Variants in ATP13A5 observed in about 807,000 individuals in gnomAD.
ATP13A5 encodes probable cation-transporting ATPase 13A5.
ATP13A5 carries 149 observed loss-of-function variants against 150.2 expected under a neutral mutation model. That is an observed-to-expected ratio of 0.99 (90% CI 0.87 to 1.14). ATP13A5 has a LOEUF of 1.14. Ranked by LOEUF, ATP13A5 falls within the 50% of genes most tolerant of loss-of-function variation. The pLI, the probability that ATP13A5 is intolerant of heterozygous loss-of-function variation, is 0.00. For synonymous variants in ATP13A5, 497 were observed against 522.2 expected (o/e 0.95, Z 0.66); for missense variants, 1,383 against 1,449.3 (o/e 0.95, Z 0.74).
In ATP13A5 at chr3:193,279,505, A is replaced by G. The variant is rs370934692; in HGVS notation, c.3227-51T>C. 3.0e-4 allele frequency: 439 copies of G among 1,480,228 alleles called. 2 individuals carry two copies. Among genetic ancestry groups the G allele is most frequent in the Middle Eastern group, 1.2e-3 (7 of 5,656 alleles). 91.7% of individuals were successfully genotyped at this position (1,480,228 alleles called of 1,614,324 possible). On this transcript the variant is annotated intron_variant, in intron 27 of 29. Transcript: ENST00000342358. ...TAGATGTTAAAAGAATGTTTCATAT[A>G]ATTTGGCACACATTGCAGAATCAAT...
chr3:193,358,132 T>C (rs1339262006), intron 5 of ATP13A5, among the ~76,000 whole-genome samples: 1 of 152,198 alleles, frequency 6.6e-6, no homozygotes, highest in Non-Finnish European at 1.5e-5. Flanking sequence ...TTTTGCTCAC[T>C]GCTTCCATTC....
chr3:193,324,227 C>G (rs1354338424), intron 14 of ATP13A5, among the ~76,000 whole-genome samples: 2 of 152,154 alleles, frequency 1.3e-5, no homozygotes, highest in African/African-American at 4.8e-5. Context: ...TCACACTCAG[C>G]TCAGGAGATT....
intron 5 of ATP13A5, among the ~76,000 whole-genome samples, chr3:193,354,424 G>A (rs1490392083): frequency 6.6e-6 from 1 of 152,028 alleles, no homozygotes; most frequent in Non-Finnish European, 1.5e-5. Context: ...TATCTTAAAT[G>A]TAGTACAACT....
intron 19 of ATP13A5, chr3:193,312,843 C>G (rs1718906088): frequency 6.6e-6 from 1 of 152,046 alleles, no homozygotes. Context: ...GCAAAATAAC[C>G]AACAAAAGAC....
intron 9 of ATP13A5, among the ~76,000 whole-genome samples, chr3:193,338,379 T>C (rs1711977283): frequency 6.6e-6 from 1 of 152,190 alleles, no homozygotes; most frequent in Non-Finnish European, 1.5e-5. Flanking sequence ...TTGTCATAGA[T>C]AGCTCTTATT....
In ATP13A5 at chr3:193,327,035, C is replaced by G; in HGVS notation, c.1484G>C (p.Gly495Ala). ...FDKTGTLTED[G>A]LDLWGTVPTA... ...AGGGACAGTCCCCCAGAGGTCCAGC[C>G]CATCTTCAGTGAGAGTGCCAGTCTG... Residue 495 changes from glycine (G) to alanine (A), a missense_variant, in exon 13 of 30, where the codon GGG (glycine) becomes GCG (alanine). By Grantham distance (60) the Gly-to-Ala change is moderately conservative. This residue lies in a region of ATP13A5 where 787 missense variants were observed against 771.9 expected (regional missense o/e 1.02). Coordinates refer to ENST00000342358, the MANE Select transcript of ATP13A5 (RefSeq NM_198505.4). 6.2e-7 allele frequency: 1 copy of G among 1,610,646 alleles called. No homozygotes were observed. Among genetic ancestry groups the G allele is most frequent in the Non-Finnish European group, 8.5e-7 (1 of 1,179,274 alleles).
chr3:193,285,414 CTG>C (rs1045070666), intron 26 of ATP13A5, among the ~76,000 whole-genome samples: 2 of 152,048 alleles, frequency 1.3e-5, no homozygotes, highest in African/African-American at 2.4e-5. Flanking sequence ...GTCAATTAAA[CTG>C]TGTGTGTGTG....
At chr3:193,354,258 C>G in intron 5 of ATP13A5, 62 bp from the exon 6 acceptor site, 9 of 1,406,764 alleles carry the variant, frequency 6.4e-6, no homozygotes, top group Non-Finnish European at 8.8e-6. Flanking sequence ...TGACTACAGG[C>G]CAAACTAAAC....
At chr3:193,328,893 T>C (rs963894836) in intron 12 of ATP13A5, among the ~76,000 whole-genome samples, 2 of 152,220 alleles carry the variant, frequency 1.3e-5, no homozygotes, top group Admixed American at 6.5e-5. Context: ...AATTTTATAA[T>C]GTGAAAGCTG....
At chr3:193,310,428 T>C (rs1718796965) in intron 21 of ATP13A5, among the ~76,000 whole-genome samples, 1 of 152,244 alleles carries the variant, frequency 6.6e-6, no homozygotes, top group African/African-American at 2.4e-5. Context: ...GTTTTAGCTC[T>C]TTGAGGAATT....
At chr3:193,313,272 G>T (rs1410184750) in intron 19 of ATP13A5, 3 of 152,160 alleles carry the variant, frequency 2.0e-5, no homozygotes, top group Non-Finnish European at 4.4e-5. Flanking sequence ...TGCAGTTTGT[G>T]TGCTGCAGAA....
At position 193,363,154 on chromosome 3, in the gene ATP13A5, A is replaced by G. The variant is rs896248384; in HGVS notation, c.384+82T>C. ...GTCATTCCCATTCCAAAAGTGTGAT[A>G]TTCGGAACTTTCATTTAATAAACAG... On this transcript the variant is annotated intron_variant, in intron 3 of 29. Transcript: ENST00000342358. 8.2e-6 allele frequency: 12 copies of G among 1,458,770 alleles called. No individual in the cohort carries two copies. In the African/African-American group the frequency reaches 1.7e-4, roughly 21 times the overall value. The allele number at this position is 1,458,770 out of a possible 1,614,324, so 90.4% of individuals were successfully genotyped here. A position where few individuals can be genotyped will look rare whatever the true frequency, so the allele number is the denominator to read the frequency against.
chr3:193,378,576 C>T, intron 1 of ATP13A5, 87 bp downstream of exon 1: 1 of 1,200,590 alleles, frequency 8.3e-7, no homozygotes, highest in Admixed American at 1.8e-5. Context: ...AGCATAAATG[C>T]TACACTCTAT....
intron 22 of ATP13A5, among the ~76,000 whole-genome samples, chr3:193,306,361 T>C (rs1438426207): frequency 6.6e-6 from 1 of 152,084 alleles, no homozygotes; most frequent in Admixed American, 6.6e-5. Context: ...TGTCCCTTTT[T>C]GCATTTGATT....
At chr3:193,287,772 AC>A (rs1717779535) in intron 26 of ATP13A5, among the ~76,000 whole-genome samples, 1 of 152,188 alleles carries the variant, frequency 6.6e-6, no homozygotes, top group Non-Finnish European at 1.5e-5. Context: ...TTTAAGAAAT[AC>A]ACTTTTTAAG....
chr3:193,285,585 A>T (rs1717688301), intron 26 of ATP13A5, among the ~76,000 whole-genome samples: 1 of 152,150 alleles, frequency 6.6e-6, no homozygotes, highest in Admixed American at 6.6e-5. Flanking sequence ...TTTTGCTGAT[A>T]AATTAAGCTC....
chr3:193,371,116 C>T (rs1039116222), intron 1 of ATP13A5, among the ~76,000 whole-genome samples: 1 of 152,090 alleles, frequency 6.6e-6, no homozygotes, highest in South Asian at 2.1e-4. Flanking sequence ...GATGCCTGGC[C>T]CAAGTAGCAA....
intron 11 of ATP13A5, 122 bp downstream of exon 11, chr3:193,333,628 C>G (rs1711727361): frequency 6.8e-6 from 7 of 1,036,988 alleles, no homozygotes; most frequent in Non-Finnish European, 9.9e-6. Context: ...CTAAGAAGCT[C>G]TTTTGGACAG....
At chr3:193,372,689 A>G (rs1560155233) in intron 1 of ATP13A5, among the ~76,000 whole-genome samples, 1 of 152,232 alleles carries the variant, frequency 6.6e-6, no homozygotes, top group Non-Finnish European at 1.5e-5. Flanking sequence ...CAGCACATCA[A>G]ATAAAGCACT....
Sources: allele counts gnomAD v4.1 joint callset (sites outside exome capture counted in the v4.1 genomes callset), GRCh38; gene constraint gnomAD v4.1.1; regional missense constraint gnomAD v4.1.1; transcripts MANE v1.5; gene names NCBI Gene and HGNC (gene_info 2026-07-23, HGNC 2026-07-21).